DYNAP: variants seen among roughly 807,000 people sequenced by gnomAD.
DYNAP encodes the protein dynactin associated protein, also known as dynactin-associated protein.
DYNAP carries 7 observed loss-of-function variants against 8.5 expected under a neutral mutation model. The ratio of observed to expected loss-of-function variants is 0.82; its 90% CI spans 0.47 to 1.54. The LOEUF is 1.54. Among genes scored for constraint, DYNAP ranks in the 40% most tolerant of loss-of-function variants. DYNAP has a pLI of 0.01. For synonymous variants in DYNAP, 77 were observed against 77.9 expected, an observed-to-expected ratio of 0.99 and a Z score of 0.06; for missense variants, 256 against 224.3, an observed-to-expected ratio of 1.14 and a Z score of -0.90.
In DYNAP at chr18:54,591,367, T is replaced by A. The variant is rs747484069; in HGVS notation, c.57+28T>A. 70 of 1,585,164 alleles carry A rather than the reference T, an allele frequency of 4.4e-5. 1 individual carries two copies. In the South Asian group the frequency reaches 7.8e-4, roughly 18 times the overall value. The stretch of plus-strand genomic sequence containing the variant: ...GAGTGTCCTTGCTCCATTTTGATAG[T>A]TTGCCTATATTACAGTTTCATTTTC... On this transcript the variant is annotated intron_variant, in intron 1 of 2. Coordinates refer to ENST00000648945, the MANE Select transcript of DYNAP (RefSeq NM_173629.3).
At chr18:54,596,201 T>A (rs1249933180) in intron 2 of DYNAP, among the ~76,000 whole-genome samples, 1 of 152,006 alleles carries the variant, frequency 6.6e-6, no homozygotes, top group African/African-American at 2.4e-5. Context: ...GCCTGCTAAG[T>A]AGCTAGGACC....
chr18:54,581,917 A>G, the DYNAP span, among the ~76,000 whole-genome samples: 2 of 152,248 alleles, frequency 1.3e-5, no homozygotes, highest in Non-Finnish European at 2.9e-5. Context: ...ATAAAAGATT[A>G]AAGTTGTACT....
rs371065382 is a variant in DYNAP, at chr18:54,598,068, G to C, written c.478G>C (p.Glu160Gln). Residue 160 changes from glutamate (E) to glutamine (Q), a missense_variant, in exon 3 of 3, where the codon GAA (glutamate) becomes CAA (glutamine). Physicochemically the swap from Glu to Gln is conservative, Grantham distance 29. Coordinates refer to ENST00000648945, the MANE Select transcript of DYNAP (RefSeq NM_173629.3). ...TSTVPASTAT[E>Q]STTSTATAAT... is the part of the protein sequence containing the mutation. ...AACTGTACCTGCAAGTACAGCCACT[G>C]AATCTACAACTTCAACAGCTACAGC... is the stretch of plus-strand genomic sequence containing the variant. 4.3e-6 allele frequency: 7 copies of C among 1,611,864 alleles called. No individual in the cohort carries two copies. The African/African-American group carries it at 8.0e-5, about 19-fold the overall frequency.
At chr18:54,577,736 G>A in the DYNAP span, among the ~76,000 whole-genome samples, 1 of 151,660 alleles carries the variant, frequency 6.6e-6, no homozygotes, top group Non-Finnish European at 1.5e-5. Flanking sequence ...TTGGGAGGCC[G>A]AGGCGGGCAG....
the DYNAP span, among the ~76,000 whole-genome samples, chr18:54,578,972 T>C: frequency 6.6e-6 from 1 of 152,050 alleles, no homozygotes; most frequent in Non-Finnish European, 1.5e-5. Flanking sequence ...GCTAATTTTT[T>C]GTATTTTTAG....
upstream of DYNAP, among the ~76,000 whole-genome samples, chr18:54,590,372 C>T (rs1816577099): frequency 6.6e-6 from 1 of 151,956 alleles, no homozygotes; most frequent in African/African-American, 2.4e-5. Flanking sequence ...AATTTTTTTT[C>T]CCAGTTTTTC....
upstream of DYNAP, among the ~76,000 whole-genome samples, chr18:54,583,091 C>A (rs990391237): frequency 1.3e-5 from 2 of 151,986 alleles, no homozygotes; most frequent in African/African-American, 2.4e-5. Context: ...TTTCTGGGCA[C>A]ACCTTAGGAA....
chr18:54,580,482 A>C, the DYNAP span, among the ~76,000 whole-genome samples: 1 of 152,208 alleles, frequency 6.6e-6, no homozygotes, highest in African/African-American at 2.4e-5. Flanking sequence ...ATTTCAGTTG[A>C]ATGTACACCA....
chr18:54,592,411 T>C (rs1024197358), intron 1 of DYNAP, among the ~76,000 whole-genome samples: 1 of 152,096 alleles, frequency 6.6e-6, no homozygotes, highest in Non-Finnish European at 1.5e-5. Flanking sequence ...TGACTAAATA[T>C]TTTACTTTAT....
the DYNAP span, among the ~76,000 whole-genome samples, chr18:54,576,156 C>G: frequency 2.7e-4 from 41 of 152,200 alleles, no homozygotes; most frequent in Admixed American, 1.6e-3. Context: ...ATTTATTTAT[C>G]ATTTATGGGT....
chr18:54,582,874 A>G (rs908983161), upstream of DYNAP, among the ~76,000 whole-genome samples: 3 of 152,146 alleles, frequency 2.0e-5, no homozygotes, highest in African/African-American at 7.2e-5. Flanking sequence ...TTATCTTCCT[A>G]CTGACATAAT....
chr18:54,577,989 A>G, the DYNAP span, among the ~76,000 whole-genome samples: 5 of 148,964 alleles, frequency 3.4e-5, no homozygotes, highest in East Asian at 9.7e-4. Context: ...GTGTTACCCA[A>G]GGGAATTTCA....
In DYNAP at chr18:54,594,789, G is replaced by A. The variant is rs531469303; in HGVS notation, c.58-150G>A. On this transcript the variant is annotated intron_variant, in intron 1 of 2. Coordinates refer to ENST00000648945, the MANE Select transcript of DYNAP (RefSeq NM_173629.3). ...GTTAAAGTATAATATATAATAATCTGTCTAGATTTTTTTATCTTCAGGGGA... is the reference window on the plus strand; with the variant it reads ...GTTAAAGTATAATATATAATAATCTATCTAGATTTTTTTATCTTCAGGGGA... 2.0e-4 allele frequency: 162 copies of A among 804,180 alleles called. No individual in the cohort carries two copies. The South Asian group carries it at 3.7e-3, about 18-fold the overall frequency. The allele number at this position is 804,180 out of a possible 1,614,324, so 49.8% of individuals were successfully genotyped here.
upstream of DYNAP, among the ~76,000 whole-genome samples, chr18:54,586,643 G>T (rs533184761): frequency 1.3e-5 from 2 of 152,124 alleles, no homozygotes; most frequent in African/African-American, 4.8e-5. Flanking sequence ...TTAGGGCTCA[G>T]TGTGGTACAC....
At chr18:54,593,513 TCTC>T (rs1019756457) in intron 1 of DYNAP, among the ~76,000 whole-genome samples, 6 of 152,190 alleles carry the variant, frequency 3.9e-5, no homozygotes, top group African/African-American at 1.4e-4. Flanking sequence ...ATTTTAGTAT[TCTC>T]CTTTTGAAGC....
At chr18:54,577,694 A>G in the DYNAP span, among the ~76,000 whole-genome samples, 1 of 151,834 alleles carries the variant, frequency 6.6e-6, no homozygotes, top group Admixed American at 6.6e-5. Flanking sequence ...AGAAAGTGTT[A>G]CCCAAGGGAT....
intron 2 of DYNAP, among the ~76,000 whole-genome samples, chr18:54,596,283 G>A (rs193115918): frequency 1.2e-4 from 18 of 152,074 alleles, no homozygotes; most frequent in East Asian, 7.8e-4. Context: ...ATGTAGCCCA[G>A]GTTGGTCTCA....
the DYNAP span, among the ~76,000 whole-genome samples, chr18:54,579,274 C>T: frequency 4.8e-4 from 73 of 152,292 alleles, no homozygotes; most frequent in Non-Finnish European, 1.6e-4. Context: ...GTTAAAACCA[C>T]GCAATGCTGG....
At chr18:54,594,757 A>G (rs1440428468) in intron 1 of DYNAP, among the ~76,000 whole-genome samples, 182 bp from the exon 2 acceptor site, 2 of 152,180 alleles carry the variant, frequency 1.3e-5, no homozygotes, top group East Asian at 3.8e-4. Context: ...GTAGCCTACC[A>G]AAATTAGTTA....
Sources: gnomAD v4.1 joint callset for allele counts (sites outside exome capture counted in the v4.1 genomes callset) on GRCh38, gnomAD v4.1.1 for gene constraint, MANE v1.5 for transcripts, NCBI Gene and HGNC (gene_info 2026-07-23, HGNC 2026-07-21) for gene names.